IL1RAPL2: variants seen among roughly 807,000 people sequenced by gnomAD.
IL1RAPL2 encodes X-linked interleukin-1 receptor accessory protein-like 2.
A neutral mutation model predicts 44.1 loss-of-function variants in IL1RAPL2; 3 were observed. The ratio of observed to expected loss-of-function variants is 0.07; its 90% CI spans 0.03 to 0.18. The LOEUF (loss-of-function observed/expected upper bound fraction) is 0.18, where lower values mean the gene tolerates loss of function less well. Ranked by LOEUF, IL1RAPL2 falls within the 10% of genes least tolerant of loss-of-function variation. The pLI, the probability that IL1RAPL2 is intolerant of heterozygous loss-of-function variation, is 1.00. For synonymous variants in IL1RAPL2, 181 were observed against 178.8 expected, an observed-to-expected ratio of 1.01 and a Z score of -0.10; for missense variants, 391 against 496.4, an observed-to-expected ratio of 0.79 and a Z score of 2.02.
intron 2 of IL1RAPL2, among the ~76,000 whole-genome samples, chrX:104,855,245 G>T (rs1005608245): frequency 6.3e-5 from 7 of 111,835 alleles, no homozygotes; most frequent in African/African-American, 2.3e-4. Flanking sequence ...CAGAGAATAT[G>T]ACAGGAATCA....
At chrX:105,645,707 G>C in intron 6 of IL1RAPL2, among the ~76,000 whole-genome samples, 1 of 111,710 alleles carries the variant, frequency 9.0e-6, no homozygotes, top group Non-Finnish European at 1.9e-5. Flanking sequence ...AGTTTTTAAA[G>C]GTATCTCAGG....
At chrX:105,313,243 T>G (rs2147682581) in intron 5 of IL1RAPL2, among the ~76,000 whole-genome samples, 1 of 112,034 alleles carries the variant, frequency 8.9e-6, no homozygotes, top group South Asian at 3.7e-4. Context: ...TGGGAAGATT[T>G]CAAAGATCTT....
At chrX:104,724,914 C>A (rs1449327707) in intron 2 of IL1RAPL2, among the ~76,000 whole-genome samples, 3 of 111,223 alleles carry the variant, frequency 2.7e-5, no homozygotes, top group Admixed American at 1.9e-4. Context: ...ACTTAAAGTT[C>A]TGGGATACAT....
intron 6 of IL1RAPL2, among the ~76,000 whole-genome samples, chrX:105,599,133 A>G (rs1395168710): frequency 2.7e-5 from 3 of 112,409 alleles, no homozygotes; most frequent in Middle Eastern, 4.6e-3. Flanking sequence ...TATGTCCTAC[A>G]TAATTCATAT....
intron 5 of IL1RAPL2, among the ~76,000 whole-genome samples, chrX:105,313,130 A>G (rs1409909387): frequency 9.0e-6 from 1 of 111,616 alleles, no homozygotes; most frequent in Non-Finnish European, 1.9e-5. Context: ...ACAATTCCCC[A>G]TTCCGACCCA....
At chrX:105,442,007 CA>C (rs2035923389) in intron 5 of IL1RAPL2, among the ~76,000 whole-genome samples, 1 of 110,833 alleles carries the variant, frequency 9.0e-6, no homozygotes, top group Non-Finnish European at 1.9e-5. Context: ...GTAATAACTA[CA>C]AAAAGGCTCA....
intron 4 of IL1RAPL2, among the ~76,000 whole-genome samples, chrX:105,261,333 C>T (rs2034357804): frequency 1.8e-5 from 2 of 112,003 alleles, no homozygotes; most frequent in Admixed American, 9.5e-5. Flanking sequence ...AATGTGAGTA[C>T]CTGGATGTTT....
chrX:105,096,308 T>C (rs1234517849), intron 2 of IL1RAPL2, among the ~76,000 whole-genome samples: 3 of 111,764 alleles, frequency 2.7e-5, no homozygotes, highest in Non-Finnish European at 5.6e-5. Context: ...AGTGTTATCA[T>C]ATGACCCTGG....
chrX:104,655,408 C>G (rs1290719700), intron 1 of IL1RAPL2, among the ~76,000 whole-genome samples: 1 of 111,496 alleles, frequency 9.0e-6, no homozygotes, highest in Non-Finnish European at 1.9e-5. Flanking sequence ...TTGAAGGCCT[C>G]TTCTGCATCT....
intron 2 of IL1RAPL2, among the ~76,000 whole-genome samples, chrX:105,182,149 A>G (rs2033538490): frequency 9.0e-6 from 1 of 110,944 alleles, no homozygotes; most frequent in Non-Finnish European, 1.9e-5. Context: ...TGTTAGATCC[A>G]TTTGTTTAAG....
chrX:104,889,069 T>C (rs1281254595), intron 2 of IL1RAPL2, among the ~76,000 whole-genome samples: 1 of 111,246 alleles, frequency 9.0e-6, no homozygotes, highest in Non-Finnish European at 1.9e-5. Flanking sequence ...CAACTGATCA[T>C]AGTAACTTCC....
At chrX:105,719,025 G>A (rs2038280313) in intron 7 of IL1RAPL2, among the ~76,000 whole-genome samples, 1 of 111,373 alleles carries the variant, frequency 9.0e-6, no homozygotes, top group East Asian at 2.8e-4. Flanking sequence ...TATACTGCTG[G>A]TAGGAATAGC....
At chrX:105,108,839 C>T (rs976333890) in intron 2 of IL1RAPL2, among the ~76,000 whole-genome samples, 1 of 111,578 alleles carries the variant, frequency 9.0e-6, no homozygotes, top group African/African-American at 3.3e-5. Context: ...ATTTCATGCC[C>T]TTGTTTAAAA....
intron 6 of IL1RAPL2, among the ~76,000 whole-genome samples, chrX:105,538,770 T>G (rs1172317620): frequency 9.0e-6 from 1 of 111,675 alleles, no homozygotes; most frequent in Non-Finnish European, 1.9e-5. Context: ...ACTGACAATA[T>G]AATTTTATTC....
At chrX:105,313,234 G>A (rs935246972) in intron 5 of IL1RAPL2, among the ~76,000 whole-genome samples, 3 of 111,723 alleles carry the variant, frequency 2.7e-5, no homozygotes, top group African/African-American at 9.8e-5. Flanking sequence ...GAACTCAAAT[G>A]GGAAGATTTC....
At chrX:105,199,313 A>T (rs375626817) in intron 3 of IL1RAPL2, among the ~76,000 whole-genome samples, 7 of 94,564 alleles carry the variant, frequency 7.4e-5, no homozygotes, top group Middle Eastern at 5.5e-3. Flanking sequence ...TGGTGGTTGT[A>T]TTTTTTTTTT....
intron 2 of IL1RAPL2, among the ~76,000 whole-genome samples, chrX:105,166,237 T>C (rs755410399): frequency 7.8e-4 from 87 of 111,932 alleles, no homozygotes; most frequent in African/African-American, 2.8e-3. Context: ...GTAAGCTTCC[T>C]GAGACAAAGG....
Position 105,390,611 on chromosome X carries a change from A to G in IL1RAPL2, c.698-93702A>G, listed in dbSNP as rs180778593. On this transcript the variant is annotated intron_variant, in intron 5 of 10. Transcript: ENST00000372582. Reference sequence around the variant, plus strand: ...GGGCTCTTTTTTTTTTAGGCAAAGCATAGAGATATTGCTTTATAACATAAC... The same window carrying G: ...GGGCTCTTTTTTTTTTAGGCAAAGCGTAGAGATATTGCTTTATAACATAAC... 5.1e-3 allele frequency among the ~76,000 whole-genome samples: 567 copies of G among 110,697 alleles called. 6 individuals carry two copies. Among genetic ancestry groups the G allele is most frequent in the African/African-American group, 0.017 (534 of 30,532 alleles).
At chrX:104,881,191 AT>A (rs1448187331) in intron 2 of IL1RAPL2, among the ~76,000 whole-genome samples, 1 of 111,375 alleles carries the variant, frequency 9.0e-6, no homozygotes, top group Non-Finnish European at 1.9e-5. Context: ...TTTTGTAGAT[AT>A]TTTTCATGCA....
Sources: gnomAD v4.1 joint callset for allele counts (sites outside exome capture counted in the v4.1 genomes callset) on GRCh38, gnomAD v4.1.1 for gene constraint, MANE v1.5 for transcripts, NCBI Gene and HGNC (gene_info 2026-07-23, HGNC 2026-07-21) for gene names.